The following ANKRD13C variants were observed in gnomAD, a reference collection of about 807,000 sequenced individuals.
ANKRD13C encodes the protein ankyrin repeat domain 13C.
Under a neutral mutation model 65.5 loss-of-function variants are expected in ANKRD13C, and 16 were observed. The observed-to-expected ratio is 0.24, with a 90% CI of 0.17 to 0.37. The LOEUF is 0.37. Ranked by LOEUF, ANKRD13C falls within the 10% of genes least tolerant of loss-of-function variation. The pLI, the probability that ANKRD13C is intolerant of heterozygous loss-of-function variation, is 1.00. For missense variants in ANKRD13C, 503 were observed against 655.9 expected (o/e 0.77, Z 2.55); for synonymous variants, 235 against 238.7 (o/e 0.98, Z 0.14).
chr1:70,296,087 A>C (rs1175785816), intron 8 of ANKRD13C, 43 bp downstream of exon 8: 1 of 1,598,634 alleles, frequency 6.3e-7, no homozygotes. Context: ...AATATTAAAT[A>C]CCGAACAATG....
At chr1:70,315,065 C>T (rs533936950) in intron 4 of ANKRD13C, among the ~76,000 whole-genome samples, 4 of 152,114 alleles carry the variant, frequency 2.6e-5, no homozygotes, top group African/African-American at 7.2e-5. Flanking sequence ...ATGGTGAAAC[C>T]CCATCTCTAC....
chr1:70,291,079 A>G (rs1414930565), intron 9 of ANKRD13C, among the ~76,000 whole-genome samples: 4 of 151,196 alleles, frequency 2.6e-5, no homozygotes, highest in Admixed American at 2.6e-4. Context: ...GTTGCCCAGG[A>G]TGTAGCACAA....
chr1:70,314,272 G>A (rs1267594392), intron 4 of ANKRD13C, among the ~76,000 whole-genome samples: 4 of 151,738 alleles, frequency 2.6e-5, no homozygotes, highest in African/African-American at 9.7e-5. Context: ...AGGTTGGAGT[G>A]TAGTGGCATG....
At chr1:70,285,354 A>G (rs1222926798) in intron 9 of ANKRD13C, among the ~76,000 whole-genome samples, 2 of 151,396 alleles carry the variant, frequency 1.3e-5, no homozygotes, top group Admixed American at 6.6e-5. Context: ...TACCATGCCC[A>G]CGAATTTTAT....
intron 11 of ANKRD13C, among the ~76,000 whole-genome samples, chr1:70,272,142 A>C (rs566228889): frequency 1.4e-5 from 2 of 146,110 alleles, no homozygotes; most frequent in African/African-American, 5.1e-5. Flanking sequence ...CTTGTTTTCT[A>C]TGGCATTTAT....
chr1:70,262,548 G>A lies in ANKRD13C; in HGVS notation c.*169C>T, dbSNP rs948307020. 3.4e-5 allele frequency: 21 copies of A among 613,862 alleles called. No individual in the cohort carries two copies. The highest frequency in any genetic ancestry group is 7.4e-5 in the African/African-American group (4 of 53,820). 38.0% of individuals were successfully genotyped at this position (613,862 alleles called of 1,614,324 possible). On this transcript the variant is annotated 3_prime_UTR_variant, in exon 13 of 13. Coordinates refer to ENST00000370944, the MANE Select transcript of ANKRD13C (RefSeq NM_030816.5). Reference sequence around the variant, plus strand: ...CAAAAAATGGCACATCAGAAAACTCGCTGAAATTCTTATTAGAGGCCCATT... The same window carrying A: ...CAAAAAATGGCACATCAGAAAACTCACTGAAATTCTTATTAGAGGCCCATT...
chr1:70,320,914 C>T (rs553016363), intron 3 of ANKRD13C, among the ~76,000 whole-genome samples: 2 of 152,112 alleles, frequency 1.3e-5, no homozygotes, highest in African/African-American at 4.8e-5. Flanking sequence ...CTCAGGCTCC[C>T]GCGTAGCTGG....
chr1:70,346,781 G>A (rs1030543828), intron 1 of ANKRD13C, among the ~76,000 whole-genome samples: 4 of 151,906 alleles, frequency 2.6e-5, no homozygotes, highest in Non-Finnish European at 5.9e-5. Flanking sequence ...ACAACAGCCC[G>A]AGTGAGCCTT....
rs145098318 is a variant in ANKRD13C at position 70,276,822 on chromosome 1, G to C, written c.1238C>G (p.Thr413Arg). 5 of 1,599,442 alleles carry C rather than the reference G, an allele frequency of 3.1e-6. No individual in the cohort carries two copies. Among genetic ancestry groups the C allele is most frequent in the Non-Finnish European group, 3.4e-6 (4 of 1,175,570 alleles). ...NFEPIRRQSL[T>R]PPPQNTITWE... ...TGTAATAGTGTTCTGAGGAGGAGGTGTAAGAGACTGTCTTCGAATCGGCTG... is the reference window on the plus strand; with the variant it reads ...TGTAATAGTGTTCTGAGGAGGAGGTCTAAGAGACTGTCTTCGAATCGGCTG... The change falls in exon 10 of 13, where the codon ACA becomes AGA. Residue 413 changes from threonine (T) to arginine (R), a missense_variant. Transcript: ENST00000370944.
intron 10 of ANKRD13C, among the ~76,000 whole-genome samples, chr1:70,276,534 C>T (rs1349034534): frequency 6.6e-6 from 1 of 151,982 alleles, no homozygotes; most frequent in Non-Finnish European, 1.5e-5. Flanking sequence ...TATAAATTGA[C>T]AGGATGGATA....
chr1:70,296,762 G>A (rs1448229714), intron 7 of ANKRD13C, among the ~76,000 whole-genome samples: 1 of 152,140 alleles, frequency 6.6e-6, no homozygotes, highest in African/African-American at 2.4e-5. Flanking sequence ...AGGAAGAACT[G>A]AAGGGAGGGA....
chr1:70,285,505 T>C (rs1679582894), intron 9 of ANKRD13C, among the ~76,000 whole-genome samples: 1 of 152,128 alleles, frequency 6.6e-6, no homozygotes. Flanking sequence ...ATAATGACTT[T>C]TAAAACTTTA....
chr1:70,264,977 A>G (rs1485500520), intron 12 of ANKRD13C, among the ~76,000 whole-genome samples: 4 of 152,196 alleles, frequency 2.6e-5, no homozygotes, highest in African/African-American at 9.7e-5. Flanking sequence ...AAAAGCCCTC[A>G]AAGGAAGTAT....
intron 3 of ANKRD13C, 141 bp from the exon 4 acceptor site, chr1:70,315,707 C>T (rs956553615): frequency 5.3e-5 from 29 of 549,948 alleles, no homozygotes; most frequent in Non-Finnish European, 7.4e-5. Context: ...ATGTGTGTAT[C>T]TACATCTACA....
chr1:70,265,315 A>T (rs1246109067), intron 12 of ANKRD13C, among the ~76,000 whole-genome samples: 2 of 152,204 alleles, frequency 1.3e-5, no homozygotes, highest in Non-Finnish European at 2.9e-5. Context: ...TCAGAGGAAA[A>T]TGCAATGACT....
intron 5 of ANKRD13C, among the ~76,000 whole-genome samples, chr1:70,310,459 T>C (rs1680802911): frequency 6.6e-6 from 1 of 152,176 alleles, no homozygotes; most frequent in African/African-American, 2.4e-5. Flanking sequence ...AATCCTTTAT[T>C]AGCAATGAAA....
intron 3 of ANKRD13C, among the ~76,000 whole-genome samples, chr1:70,323,697 T>G (rs1439554353): frequency 6.6e-6 from 1 of 151,888 alleles, no homozygotes; most frequent in African/African-American, 2.4e-5. Context: ...CACAAAAATG[T>G]ATGTGCGGTA....
intron 1 of ANKRD13C, among the ~76,000 whole-genome samples, chr1:70,341,485 C>G (rs1332976109): frequency 1.3e-5 from 2 of 151,752 alleles, no homozygotes; most frequent in African/African-American, 4.8e-5. Flanking sequence ...CCTCAGCCTC[C>G]CAAGTAGCTG....
chr1:70,322,809 G>T (rs533834491), intron 3 of ANKRD13C, among the ~76,000 whole-genome samples: 1 of 152,118 alleles, frequency 6.6e-6, no homozygotes, highest in East Asian at 1.9e-4. Flanking sequence ...CTTGACCAAC[G>T]TGGAGAAACC....
Sources: gnomAD v4.1 joint callset for allele counts (sites outside exome capture counted in the v4.1 genomes callset) on GRCh38, gnomAD v4.1.1 for gene constraint, MANE v1.5 for transcripts, NCBI Gene and HGNC (gene_info 2026-07-23, HGNC 2026-07-21) for gene names.